Variants in PPP6R3 observed in about 807,000 individuals in gnomAD.
PPP6R3 encodes the protein serine/threonine-protein phosphatase 6 regulatory subunit 3.
A neutral mutation model predicts 110.7 loss-of-function variants in PPP6R3; 38 were observed. The ratio of observed to expected loss-of-function variants is 0.34; its 90% CI spans 0.26 to 0.45. The LOEUF is 0.45. Among genes scored for constraint, PPP6R3 ranks in the 20% least tolerant of loss-of-function variants. The probability of loss-of-function intolerance (pLI) is 1.00; values close to 1 mark genes in which losing one functional copy is unlikely to be tolerated. For synonymous variants in PPP6R3, 369 were observed against 373.5 expected (o/e 0.99, Z 0.14); for missense variants, 870 against 1,062.4 (o/e 0.82, Z 2.52).
At chr11:68,471,151 G>A (rs2098788690) in intron 1 of PPP6R3, among the ~76,000 whole-genome samples, 1 of 151,926 alleles carries the variant, frequency 6.6e-6, no homozygotes, top group African/African-American at 2.4e-5. Context: ...CGGCTTAGTG[G>A]TGGGTGCCTG....
intron 1 of PPP6R3, among the ~76,000 whole-genome samples, chr11:68,477,314 AC>A (rs1385245927): frequency 2.0e-5 from 3 of 152,088 alleles, no homozygotes; most frequent in Non-Finnish European, 4.4e-5. Flanking sequence ...GGATTTTTCC[AC>A]TTTATGATAG....
rs538563429 is a variant in PPP6R3, at chr11:68,485,883, G to C, written c.-158+25056G>C. Among the ~76,000 whole-genome samples the C allele has an allele frequency of 2.0e-5, 3 of 152,094 alleles. No individual in the cohort carries two copies. In the South Asian group the frequency reaches 6.2e-4, roughly 32 times the overall value. On this transcript the variant is annotated intron_variant, in intron 1 of 23. Coordinates refer to ENST00000393800, the MANE Select transcript of PPP6R3 (RefSeq NM_001164161.2). ...CGACAGATTTTTGATTATTAAAGCAGCCTTGGCTGGGCACAGTGGCTCACA... is the reference window on the plus strand; with the variant it reads ...CGACAGATTTTTGATTATTAAAGCACCCTTGGCTGGGCACAGTGGCTCACA...
intron 5 of PPP6R3, among the ~76,000 whole-genome samples, chr11:68,548,688 C>G (rs1434889202): frequency 6.6e-6 from 1 of 152,034 alleles, no homozygotes; most frequent in African/African-American, 2.4e-5. Flanking sequence ...TACAGAGGAG[C>G]AAAGGATAAG....
intron 4 of PPP6R3, among the ~76,000 whole-genome samples, chr11:68,545,552 T>A (rs2099346013): frequency 6.6e-6 from 1 of 152,248 alleles, no homozygotes; most frequent in Admixed American, 6.5e-5. Flanking sequence ...CATTTGCAGC[T>A]GTGCTGTTCC....
At chr11:68,528,471 A>G (rs1057088892) in intron 2 of PPP6R3, among the ~76,000 whole-genome samples, 16 of 150,034 alleles carry the variant, frequency 1.1e-4, no homozygotes, top group African/African-American at 3.7e-4. Context: ...TTGACACTTC[A>G]CTAAGAATGG....
chr11:68,470,137 C>G (rs1411683480), intron 1 of PPP6R3, among the ~76,000 whole-genome samples: 1 of 152,110 alleles, frequency 6.6e-6, no homozygotes, highest in Non-Finnish European at 1.5e-5. Context: ...TTTCATGGAG[C>G]TTACATTTTG....
Position 68,574,193 on chromosome 11 carries a change from C to A in PPP6R3, c.1428C>A (p.Pro476=), listed in dbSNP as rs114505709. The A allele has an allele frequency of 1.3e-3, 2,100 of 1,613,888 alleles. 30 individuals are homozygous for A. In the African/African-American group the frequency reaches 0.024, roughly 19 times the overall value. The change falls in exon 13 of 24, where the codon CCC becomes CCA. Residue 476 remains proline, a synonymous_variant. Coordinates refer to ENST00000393800, the MANE Select transcript of PPP6R3 (RefSeq NM_001164161.2). ...NCIVHSTDKG[P]NSALVQQLIK... ...TCGTGCACAGCACTGACAAGGGCCC[C>A]AACAGTGCATTAGTGCAGCAGCTTA...
chr11:68,606,616 A>G lies in PPP6R3; in HGVS notation c.2450+3124A>G, dbSNP rs779093437. Among the ~76,000 whole-genome samples the G allele has an allele frequency of 1.1e-4, 17 of 152,042 alleles. 1 individual carries two copies. Among genetic ancestry groups the G allele is most frequent in the Admixed American group, 9.2e-4 (14 of 15,256 alleles). On this transcript the variant is annotated intron_variant, in intron 22 of 23. Transcript: ENST00000393800. ...CAGATGTGAGCCACCGCGCCTGGCAATGAATTTCATTAACTTGGTATAAGT... is the reference window on the plus strand; with the variant it reads ...CAGATGTGAGCCACCGCGCCTGGCAGTGAATTTCATTAACTTGGTATAAGT...
chr11:68,610,009 C>T lies in PPP6R3; in HGVS notation c.2556C>T (p.Ser852=). The T allele has an allele frequency of 6.2e-7, 1 of 1,613,924 alleles. No individual in the cohort carries two copies. Among genetic ancestry groups the T allele is most frequent in the South Asian group, 1.1e-5 (1 of 91,074 alleles). Residue 852 remains serine (S), a synonymous_variant, in exon 23 of 24, where the codon AGC becomes AGT. Transcript: ENST00000393800. ...AKCAAPRPPS[S]SPEQRTGQPS... is the part of the protein sequence containing the mutation. ...GCGCGGCGCCCAGGCCTCCCAGCAG[C>T]AGTCCCGAGCAGAGGTAACCACCCG...
At chr11:68,504,587 CT>C (rs1289566893) in intron 1 of PPP6R3, among the ~76,000 whole-genome samples, 5 of 152,172 alleles carry the variant, frequency 3.3e-5, no homozygotes, top group African/African-American at 1.2e-4. Context: ...AGTGTACCCC[CT>C]GTCAAGAGAG....
At chr11:68,465,587 A>G (rs1348297097) in intron 1 of PPP6R3, among the ~76,000 whole-genome samples, 1 of 152,238 alleles carries the variant, frequency 6.6e-6, no homozygotes, top group Non-Finnish European at 1.5e-5. Context: ...GAGAACTACC[A>G]GTGACCACCA....
intron 16 of PPP6R3, among the ~76,000 whole-genome samples, chr11:68,590,162 G>A (rs972416356): frequency 1.3e-5 from 2 of 152,248 alleles, no homozygotes; most frequent in East Asian, 3.9e-4. Flanking sequence ...TGTTTAATAA[G>A]CAATGAATTC....
At chr11:68,507,148 C>G (rs2099082731) in intron 1 of PPP6R3, among the ~76,000 whole-genome samples, 1 of 151,324 alleles carries the variant, frequency 6.6e-6, no homozygotes, top group Admixed American at 6.6e-5. Flanking sequence ...GTGCCAAAGT[C>G]TTTACTTCAA....
chr11:68,551,277 A>G (rs1363073291), intron 6 of PPP6R3, 91 bp downstream of exon 6: 3 of 941,738 alleles, frequency 3.2e-6, no homozygotes, highest in Non-Finnish European at 3.3e-6. Flanking sequence ...TTAAATGTGA[A>G]CATGATCAGA....
chr11:68,499,062 T>C (rs2099034332), intron 1 of PPP6R3, among the ~76,000 whole-genome samples: 1 of 152,224 alleles, frequency 6.6e-6, no homozygotes. Context: ...CGTTTATTGG[T>C]CATTTGGATA....
intron 7 of PPP6R3, among the ~76,000 whole-genome samples, chr11:68,557,155 G>A (rs1441645251): frequency 7.2e-5 from 11 of 152,226 alleles, no homozygotes; most frequent in Non-Finnish European, 5.9e-5. Context: ...TTGTTTTCCA[G>A]AGCTTGGTTC....
chr11:68,614,859 C>A lies in PPP6R3; in HGVS notation c.*1742C>A, dbSNP rs1053528566. 1.2e-5 allele frequency: 12 copies of A among 1,023,454 alleles called. No homozygotes were observed. Among genetic ancestry groups the A allele is most frequent in the Non-Finnish European group, 1.8e-5 (12 of 678,614 alleles). 63.4% of individuals were successfully genotyped at this position (1,023,454 alleles called of 1,614,324 possible). ...CTGCCTGACTTGAATGGCGTTGGAC[C>A]TCGGGGATTACTGGTAGATAATATG... On this transcript the variant is annotated 3_prime_UTR_variant, in exon 24 of 24. Coordinates refer to ENST00000393800, the MANE Select transcript of PPP6R3 (RefSeq NM_001164161.2).
At chr11:68,496,280 C>T (rs2099015348) in intron 1 of PPP6R3, among the ~76,000 whole-genome samples, 1 of 151,842 alleles carries the variant, frequency 6.6e-6, no homozygotes, top group South Asian at 2.1e-4. Flanking sequence ...CTCGCCTTGG[C>T]TTCCCAAAGT....
At chr11:68,522,703 A>C (rs557374336) in intron 2 of PPP6R3, 1 of 152,310 alleles carries the variant, frequency 6.6e-6, no homozygotes, top group South Asian at 2.1e-4. Context: ...AGCTTTAAAC[A>C]CCTTACATTT....
Sources: allele counts gnomAD v4.1 joint callset (sites outside exome capture counted in the v4.1 genomes callset), GRCh38; gene constraint gnomAD v4.1.1; transcripts MANE v1.5; gene names NCBI Gene and HGNC (gene_info 2026-07-23, HGNC 2026-07-21).